The following UPK3A variants were observed in gnomAD, a reference collection of about 807,000 sequenced individuals.
UPK3A encodes uroplakin 3A.
Under a neutral mutation model 27.6 loss-of-function variants are expected in UPK3A, and 32 were observed. The observed-to-expected ratio is 1.16, with a 90% CI of 0.87 to 1.55. The LOEUF is 1.55. Among genes scored for constraint, UPK3A ranks in the 40% most tolerant of loss-of-function variants. The pLI is 0.00. For missense variants in UPK3A, 370 were observed against 367.9 expected, an observed-to-expected ratio of 1.01 and a Z score of -0.05; for synonymous variants, 171 against 163.9, an observed-to-expected ratio of 1.04 and a Z score of -0.33.
chr22:45,285,656 G>A (rs927715486), intron 1 of UPK3A, among the ~76,000 whole-genome samples: 6 of 152,170 alleles, frequency 3.9e-5, no homozygotes, highest in Admixed American at 2.0e-4. Context: ...AAGGTGGGAC[G>A]GAGGAGGGCT....
intron 4 of UPK3A, 137 bp from the exon 5 acceptor site, chr22:45,293,044 G>C (rs1348266587): frequency 7.8e-7 from 1 of 1,284,674 alleles, no homozygotes; most frequent in Non-Finnish European, 1.1e-6. Flanking sequence ...TAAAACCTGA[G>C]AGAAGTCGCC....
At chr22:45,291,120 C>G (rs903666038) in intron 4 of UPK3A, among the ~76,000 whole-genome samples, 1 of 152,204 alleles carries the variant, frequency 6.6e-6, no homozygotes, top group Non-Finnish European at 1.5e-5. Flanking sequence ...TGCAGAAAAC[C>G]TGTCTTCCAC....
At chr22:45,289,878 C>T (rs542200998) in intron 4 of UPK3A, among the ~76,000 whole-genome samples, 2 of 152,176 alleles carry the variant, frequency 1.3e-5, no homozygotes, top group East Asian at 1.9e-4. Context: ...TGGGTGTAAG[C>T]GGATCAAAGC....
At chr22:45,294,075 G>T (rs976654940) in intron 5 of UPK3A, among the ~76,000 whole-genome samples, 2 of 152,156 alleles carry the variant, frequency 1.3e-5, no homozygotes, top group Admixed American at 6.6e-5. Flanking sequence ...AGGGCCGGGG[G>T]GGTGCTGCCT....
At position 45,284,972 on chromosome 22, in the gene UPK3A, G is replaced by T. The variant is rs1472575052; in HGVS notation, c.-42G>T. 22 of 1,525,348 alleles carry T rather than the reference G, an allele frequency of 1.4e-5. No homozygotes were observed. The highest frequency in any genetic ancestry group is 4.9e-5 in the East Asian group (2 of 40,454). 94.5% of individuals were successfully genotyped at this position (1,525,348 alleles called of 1,614,324 possible). A position where few individuals can be genotyped will look rare whatever the true frequency, so the allele number is the denominator to read the frequency against. On this transcript the variant is annotated 5_prime_UTR_variant, in exon 1 of 6. Coordinates refer to ENST00000216211, the MANE Select transcript of UPK3A (RefSeq NM_006953.4). ...ACAGGTCTGGTGCCCGCGCCTGCTC[G>T]CTGGACCGCCCGCCCCGCGCTCTGG...
intron 4 of UPK3A, among the ~76,000 whole-genome samples, chr22:45,291,617 G>T (rs1351179813): frequency 6.6e-6 from 1 of 150,928 alleles, no homozygotes; most frequent in Admixed American, 6.6e-5. Context: ...GACTGTGTGT[G>T]TGTGGGAGTT....
At chr22:45,288,259 A>G (rs1275143694) in intron 3 of UPK3A, among the ~76,000 whole-genome samples, 1 of 151,490 alleles carries the variant, frequency 6.6e-6, no homozygotes, top group Non-Finnish European at 1.5e-5. Flanking sequence ...GCAGTGGTGC[A>G]ATCTCGGCTC....
At position 45,288,122 on chromosome 22, in the gene UPK3A, G is replaced by T. The variant is rs1361023588; in HGVS notation, c.488+671G>T. On this transcript the variant is annotated intron_variant, in intron 3 of 5. Transcript: ENST00000216211. ...AAAGGAAACTGTGCCAGAGAGGGAA[G>T]GTCACCCAGTGGAAAGCTGGGGCCC... Among the ~76,000 whole-genome samples, 4 of 152,068 alleles carry T rather than the reference G, an allele frequency of 2.6e-5. 1 individual carries two copies. The East Asian group carries it at 7.7e-4, about 29-fold the overall frequency.
intron 1 of UPK3A, 50 bp from the exon 2 acceptor site, chr22:45,285,891 T>G: frequency 1.2e-6 from 2 of 1,611,812 alleles, no homozygotes; most frequent in Non-Finnish European, 1.7e-6. Flanking sequence ...GCAGAGTGGG[T>G]GTGGACAGTT....
In UPK3A at chr22:45,295,796, C is replaced by T. The variant is rs570634098; in HGVS notation, c.*77C>T. The stretch of plus-strand genomic sequence containing the variant: ...GCCCTGCAGCGGTGGTTGTCACACC[C>T]TGACTTCAGGGAAGGTGAAACAGGG... On this transcript the variant is annotated 3_prime_UTR_variant, in exon 6 of 6. Transcript: ENST00000216211. The T allele has an allele frequency of 1.5e-4, 233 of 1,569,768 alleles. 4 individuals carry two copies. The South Asian group carries it at 2.5e-3, about 17-fold the overall frequency.
intron 5 of UPK3A, among the ~76,000 whole-genome samples, chr22:45,295,236 C>T (rs141720568): frequency 2.6e-5 from 4 of 152,166 alleles, no homozygotes; most frequent in East Asian, 1.9e-4. Context: ...CTCCCACCTG[C>T]GCTTGTCCAT....
intron 2 of UPK3A, among the ~76,000 whole-genome samples, chr22:45,286,914 G>T (rs1463249404): frequency 2.0e-5 from 3 of 152,136 alleles, no homozygotes; most frequent in East Asian, 1.9e-4. Flanking sequence ...AGAGACAAAG[G>T]TCTGTTGGGA....
intron 3 of UPK3A, 38 bp from the exon 4 acceptor site, chr22:45,289,023 G>T (rs750836370): frequency 6.2e-7 from 1 of 1,608,346 alleles, no homozygotes; most frequent in Non-Finnish European, 8.5e-7. Context: ...GGGGCTCACA[G>T]GAAGCATAAA....
rs200385320 is a variant in UPK3A at position 45,285,053 on chromosome 22, C to A, written c.40C>A (p.Arg14=). ...LWALLALGCL[R]FGSAVNLQPQ... is the part of the protein sequence containing the mutation. ...GGCCCTGCTGGCCCTCGGCTGCCTG[C>A]GGTTCGGCTCGGGTAGGCGGTGAAG... The change falls in exon 1 of 6, where the codon CGG becomes AGG. Residue 14 remains arginine (R), a synonymous_variant. Transcript: ENST00000216211. 5 of 1,536,196 alleles carry A rather than the reference C, an allele frequency of 3.3e-6. No homozygotes were observed. In the East Asian group the frequency reaches 1.2e-4, roughly 37 times the overall value.
At chr22:45,292,865 G>A (rs984505867) in intron 4 of UPK3A, among the ~76,000 whole-genome samples, 2 of 151,440 alleles carry the variant, frequency 1.3e-5, no homozygotes, top group African/African-American at 2.4e-5. Flanking sequence ...CCAGGATGGC[G>A]CCACTGCACT....
Position 45,287,238 on chromosome 22 carries a change from CAG to C in UPK3A, c.278_279del (p.Glu93GlyfsTer13). ...CCACTGGGCTCAACGTTCCTACAAA[CAG>C]AGGGTGGGAGGACAGGTCCCTACAA... On this transcript the variant is annotated frameshift_variant, in exon 3 of 6. Transcript: ENST00000216211. LOFTEE classifies it high-confidence loss of function. 6.2e-7 allele frequency: 1 copy of C among 1,614,226 alleles called. No homozygotes were observed.
chr22:45,289,577 CAAAAAA>C (rs77091115), intron 4 of UPK3A, among the ~76,000 whole-genome samples: 1 of 80,190 alleles, frequency 1.2e-5, no homozygotes, highest in Admixed American at 1.4e-4. Context: ...GACTCCGTCT[CAAAAAA>C]AAAAAAAAAA....
chr22:45,287,773 T>C (rs891301699), intron 3 of UPK3A, among the ~76,000 whole-genome samples: 4 of 151,830 alleles, frequency 2.6e-5, no homozygotes, highest in African/African-American at 9.7e-5. Context: ...AGCGATTCTC[T>C]TGCCTCAGCC....
At chr22:45,285,229 C>T (rs1311060960) in intron 1 of UPK3A, among the ~76,000 whole-genome samples, 164 bp downstream of exon 1, 2 of 152,182 alleles carry the variant, frequency 1.3e-5, no homozygotes, top group Admixed American at 6.5e-5. Flanking sequence ...GTTGGGAATC[C>T]GAGGGCTCAC....
Sources: gnomAD v4.1 joint callset for allele counts (sites outside exome capture counted in the v4.1 genomes callset) on GRCh38, gnomAD v4.1.1 for gene constraint, MANE v1.5 for transcripts, NCBI Gene and HGNC (gene_info 2026-07-23, HGNC 2026-07-21) for gene names.